The following UNC80 variants were observed in gnomAD, a reference collection of about 807,000 sequenced individuals.
UNC80 encodes protein unc-80 homolog.
UNC80 carries 164 observed loss-of-function variants against 384.6 expected under a neutral mutation model. That is an observed-to-expected ratio of 0.43 (90% CI 0.38 to 0.49). The LOEUF is 0.49. Among genes scored for constraint, UNC80 ranks in the 20% least tolerant of loss-of-function variants. UNC80 has a pLI of 0.00. For synonymous variants in UNC80, 1,486 were observed against 1,527.8 expected (o/e 0.97, Z 0.64); for missense variants, 3,330 against 4,143.0 (o/e 0.80, Z 5.39).
chr2:209,984,845 C>G lies in UNC80; in HGVS notation c.9258-11C>G. The G allele has an allele frequency of 6.5e-7, 1 of 1,544,774 alleles. No homozygotes were observed. Among genetic ancestry groups the G allele is most frequent in the Non-Finnish European group, 8.7e-7 (1 of 1,144,506 alleles). ...TTCCCTAAATGCTTCATCTCCCTAC[C>G]CCTCCTGCAGTGAACCTAATGTCCT... On this transcript the variant is annotated splice_polypyrimidine_tract_variant and intron_variant, in intron 60 of 64. Coordinates refer to ENST00000673920, the MANE Select transcript of UNC80 (RefSeq NM_001371986.1).
At position 209,956,138 on chromosome 2, in the gene UNC80, C is replaced by T. The variant is rs990505618; in HGVS notation, c.7458-1506C>T. On this transcript the variant is annotated intron_variant, in intron 48 of 64. Coordinates refer to ENST00000673920, the MANE Select transcript of UNC80 (RefSeq NM_001371986.1). Reference sequence around the variant, plus strand: ...TTAACTTATCCAAAATTGACTTACTCGAAGTGTCACAAAGAGTTATGGATG... The same window carrying T: ...TTAACTTATCCAAAATTGACTTACTTGAAGTGTCACAAAGAGTTATGGATG... Among the ~76,000 whole-genome samples, 7 of 152,054 alleles carry T rather than the reference C, an allele frequency of 4.6e-5. No homozygotes were observed. The East Asian group carries it at 5.8e-4, about 13-fold the overall frequency.
Position 209,976,988 on chromosome 2 carries a change from T to A in UNC80, c.8848T>A (p.Phe2950Ile), listed in dbSNP as rs1232452876. Residue 2950 changes from phenylalanine to isoleucine, a missense_variant, in exon 58 of 65, where the codon TTC becomes ATC. Around this residue, in one of 8 missense-constraint regions of UNC80, gnomAD observed 216 missense variants for 245.3 expected, o/e 0.88. Coordinates refer to ENST00000673920, the MANE Select transcript of UNC80 (RefSeq NM_001371986.1). This position sits in a 1 kb window ranked among gnomAD's most constrained non-coding sequence, Gnocchi z 4.3. The part of the protein sequence containing the change: ...QHIADQLERR[F>I]IPRPLCKSSL... The stretch of plus-strand genomic sequence containing the variant: ...TATTGCCGACCAGCTGGAGCGGCGC[T>A]TCATACCACGCCCTTTGTGTAAGAG... The A allele has an allele frequency of 7.1e-6, 11 of 1,538,930 alleles. No individual in the cohort carries two copies. Among genetic ancestry groups the A allele is most frequent in the Non-Finnish European group, 9.7e-6 (11 of 1,136,416 alleles).
intron 5 of UNC80, 116 bp downstream of exon 5, chr2:209,786,305 A>G: frequency 7.7e-7 from 1 of 1,306,076 alleles, no homozygotes; most frequent in Non-Finnish European, 1.0e-6. Flanking sequence ...ATCTACATGT[A>G]GTTATTTAAG....
At chr2:209,835,036 G>T in intron 18 of UNC80, 26 bp downstream of exon 18, 1 of 1,511,490 alleles carries the variant, frequency 6.6e-7, no homozygotes. Context: ...TTTGTCTCCA[G>T]TGCAGACGGC....
At chr2:209,979,726 T>G (rs578099095) in intron 59 of UNC80, among the ~76,000 whole-genome samples, 13 of 152,336 alleles carry the variant, frequency 8.5e-5, no homozygotes, top group African/African-American at 3.1e-4. Flanking sequence ...TTAATTATTT[T>G]CCACTTGTGT....
intron 61 of UNC80, among the ~76,000 whole-genome samples, chr2:209,989,206 T>C (rs1413713537): frequency 6.6e-6 from 1 of 150,702 alleles, no homozygotes; most frequent in African/African-American, 2.4e-5. Flanking sequence ...ATATCTGTAA[T>C]CTCAGCTTCT....
intron 29 of UNC80, among the ~76,000 whole-genome samples, chr2:209,909,909 A>T (rs867551862): frequency 3.3e-5 from 5 of 152,038 alleles, no homozygotes; most frequent in South Asian, 2.1e-4. Context: ...AACCACCTCA[A>T]CAATGACTGA....
chr2:209,905,676 A>G (rs1001221740), intron 29 of UNC80, among the ~76,000 whole-genome samples: 3 of 152,240 alleles, frequency 2.0e-5, no homozygotes, highest in African/African-American at 7.2e-5. Flanking sequence ...TAATACAACT[A>G]TGTACTAAAA....
chr2:209,950,579 C>T (rs1312477947), intron 47 of UNC80, among the ~76,000 whole-genome samples: 4 of 138,006 alleles, frequency 2.9e-5, no homozygotes, highest in East Asian at 2.3e-4. Context: ...TTTTTTTTAA[C>T]GGAGTTTTCG....
intron 45 of UNC80, among the ~76,000 whole-genome samples, chr2:209,944,777 T>A (rs1479161619): frequency 1.3e-5 from 2 of 152,196 alleles, no homozygotes; most frequent in Admixed American, 1.3e-4. Context: ...ACCATTGATA[T>A]GAACTTTTTG....
chr2:209,941,646 A>T (rs2091640335), intron 44 of UNC80, among the ~76,000 whole-genome samples, 157 bp downstream of exon 44: 3 of 152,184 alleles, frequency 2.0e-5, no homozygotes, highest in African/African-American at 7.2e-5. Context: ...ATAAATTTGC[A>T]AGAGTTCACA....
intron 18 of UNC80, among the ~76,000 whole-genome samples, chr2:209,836,871 A>T (rs2081366004): frequency 6.6e-6 from 1 of 152,168 alleles, no homozygotes; most frequent in East Asian, 1.9e-4. Context: ...CTCAATATTG[A>T]TACACACCAT....
In UNC80 at chr2:209,834,989, G is replaced by A. The variant is rs202138404; in HGVS notation, c.3020G>A (p.Arg1007His). 227 of 1,550,380 alleles carry A rather than the reference G, an allele frequency of 1.5e-4. No individual in the cohort carries two copies. The highest frequency in any genetic ancestry group is 1.8e-4 in the Non-Finnish European group (207 of 1,146,210). ...GAATGTCGCAGCTTCATGTCTGGTC[G>A]CCCCTCACAGACTCCAGAGCAGTAA... ...PEECRSFMSG[R>H]PSQTPEHDEQ... Residue 1007 changes from arginine to histidine, a missense_variant, in exon 18 of 65, where the codon CGC (arginine) becomes CAC (histidine). Arg to His is a conservative substitution (Grantham distance 29). Coordinates refer to ENST00000673920, the MANE Select transcript of UNC80 (RefSeq NM_001371986.1).
chr2:209,945,306 A>G, intron 46 of UNC80, 117 bp downstream of exon 46: 4 of 1,073,678 alleles, frequency 3.7e-6, no homozygotes, highest in Non-Finnish European at 5.0e-6. Flanking sequence ...AACTAAATCA[A>G]AGTAGCAAAA....
At chr2:209,799,025 T>G (rs1412074999) in intron 7 of UNC80, among the ~76,000 whole-genome samples, 1 of 150,688 alleles carries the variant, frequency 6.6e-6, no homozygotes, top group East Asian at 1.9e-4. Flanking sequence ...ATATACAATT[T>G]AAAATAAATT....
chr2:209,984,587 G>T (rs2093240571), intron 60 of UNC80, among the ~76,000 whole-genome samples: 1 of 152,140 alleles, frequency 6.6e-6, no homozygotes. Flanking sequence ...GGCCCATTCG[G>T]AGTTCATTTT....
At chr2:209,791,755 G>A (rs1385561346) in intron 6 of UNC80, among the ~76,000 whole-genome samples, 1 of 135,622 alleles carries the variant, frequency 7.4e-6, no homozygotes, top group Non-Finnish European at 1.5e-5. Flanking sequence ...GGGAGGTGGA[G>A]CTTGCAGTGA....
At chr2:209,945,234 G>A in intron 46 of UNC80, 45 bp downstream of exon 46, 1 of 1,535,116 alleles carries the variant, frequency 6.5e-7, no homozygotes, top group African/African-American at 1.4e-5. Context: ...CACTGCAGTT[G>A]TTAAATATAA....
intron 25 of UNC80, among the ~76,000 whole-genome samples, chr2:209,885,298 C>G (rs571472542): frequency 2.0e-5 from 3 of 152,098 alleles, no homozygotes; most frequent in Non-Finnish European, 4.4e-5. Context: ...CTTTCTGAAG[C>G]AAAATGTAAG....
Sources: allele counts gnomAD v4.1 joint callset (sites outside exome capture counted in the v4.1 genomes callset), GRCh38; gene constraint gnomAD v4.1.1; regional missense constraint gnomAD v4.1.1; non-coding constraint Gnocchi (gnomAD v3.1); transcripts MANE v1.5; gene names NCBI Gene and HGNC (gene_info 2026-07-23, HGNC 2026-07-21).